TSPAN14: variants seen among roughly 807,000 people sequenced by gnomAD.
The protein encoded by TSPAN14 is tetraspanin-14.
In TSPAN14, 16 loss-of-function variants were observed where a neutral mutation model predicts 36.6. The observed-to-expected ratio is 0.44, with a 90% CI of 0.30 to 0.66. TSPAN14 has a LOEUF of 0.66. TSPAN14 is among the 30% of genes least tolerant of loss of function. The pLI, the probability that TSPAN14 is intolerant of heterozygous loss-of-function variation, is 0.12. For missense variants in TSPAN14, 231 were observed against 355.1 expected (o/e 0.65, Z 2.81); for synonymous variants, 139 against 143.8 (o/e 0.97, Z 0.24).
At chr10:80,460,181 C>T (rs547912957) in intron 1 of TSPAN14, among the ~76,000 whole-genome samples, 8 of 152,244 alleles carry the variant, frequency 5.3e-5, no homozygotes, top group Admixed American at 3.9e-4. Flanking sequence ...AAAGTGGGAA[C>T]TTATAGCCAA....
chr10:80,513,940 G>T, intron 6 of TSPAN14, 79 bp from the exon 7 acceptor site: 1 of 1,217,390 alleles, frequency 8.2e-7, no homozygotes, highest in Non-Finnish European at 1.2e-6. Flanking sequence ...GCTAGTGTTT[G>T]GTTGTGACTT....
At chr10:80,487,801 G>T (rs1386254856) in intron 1 of TSPAN14, among the ~76,000 whole-genome samples, 1 of 152,148 alleles carries the variant, frequency 6.6e-6, no homozygotes, top group East Asian at 1.9e-4. Context: ...CTCCCCAGCT[G>T]GTTTCTGAGG....
intron 1 of TSPAN14, among the ~76,000 whole-genome samples, chr10:80,455,379 T>A (rs781270140): frequency 7.9e-5 from 12 of 152,114 alleles, no homozygotes; most frequent in Non-Finnish European, 8.8e-5. Context: ...CAGGCGGTGC[T>A]GGGCGGCTGT....
chr10:80,497,007 G>A (rs1848231380), intron 2 of TSPAN14, among the ~76,000 whole-genome samples: 1 of 151,796 alleles, frequency 6.6e-6, no homozygotes. Flanking sequence ...CTTTTGATTG[G>A]ATATTAGTTA....
At chr10:80,503,723 T>C (rs772701105) in intron 2 of TSPAN14, among the ~76,000 whole-genome samples, 24 of 152,132 alleles carry the variant, frequency 1.6e-4, no homozygotes, top group Middle Eastern at 3.2e-3. Context: ...GCCCTTTCTT[T>C]CCATTCTAGC....
intron 5 of TSPAN14, among the ~76,000 whole-genome samples, chr10:80,511,421 G>T (rs561591003): frequency 6.3e-4 from 96 of 152,290 alleles, no homozygotes; most frequent in Admixed American, 1.8e-3. Flanking sequence ...GTGTTCTCTT[G>T]TGGCAAGTAG....
chr10:80,502,860 G>A (rs904243541), intron 2 of TSPAN14, among the ~76,000 whole-genome samples: 3 of 152,088 alleles, frequency 2.0e-5, no homozygotes, highest in Non-Finnish European at 1.5e-5. Flanking sequence ...AGGGCTCAGG[G>A]CAGGGTGAAG....
intron 4 of TSPAN14, among the ~76,000 whole-genome samples, chr10:80,508,430 T>C (rs148308114): frequency 3.3e-4 from 51 of 152,304 alleles, no homozygotes; most frequent in Admixed American, 2.0e-3. Context: ...GTGTATGCTT[T>C]TTCTTACTTT....
chr10:80,473,783 G>A (rs1228005641), intron 1 of TSPAN14, among the ~76,000 whole-genome samples: 1 of 150,518 alleles, frequency 6.6e-6, no homozygotes, highest in African/African-American at 2.4e-5. Flanking sequence ...TGTTTCTGGT[G>A]GCCCCTGGAT....
intron 1 of TSPAN14, among the ~76,000 whole-genome samples, chr10:80,482,400 C>G (rs148076305): frequency 6.6e-6 from 1 of 151,540 alleles, no homozygotes; most frequent in African/African-American, 2.4e-5. Context: ...AATTCTCCTG[C>G]CTCAACCTCC....
intron 1 of TSPAN14, among the ~76,000 whole-genome samples, chr10:80,486,425 C>G (rs1190649610): frequency 6.6e-6 from 1 of 152,206 alleles, no homozygotes; most frequent in East Asian, 1.9e-4. Flanking sequence ...CAGAGGTGAG[C>G]CACCAACACT....
At chr10:80,496,743 C>CT (rs1848217350) in intron 2 of TSPAN14, among the ~76,000 whole-genome samples, 1 of 152,080 alleles carries the variant, frequency 6.6e-6, no homozygotes, top group Non-Finnish European at 1.5e-5. Flanking sequence ...GTCTCATTGG[C>CT]TGTTAAACCC....
rs1461600275 is a variant in TSPAN14, at chr10:80,514,083, C to G, written c.621+20C>G. ...ATTCAGGTGAGAACTCCCATGTATA[C>G]AACTTGAAGAGTTCTTTAGGTTTTA... On this transcript the variant is annotated intron_variant, in intron 7 of 8. Coordinates refer to ENST00000429989, the Ensembl canonical transcript of TSPAN14. 6.2e-7 allele frequency: 1 copy of G among 1,604,856 alleles called. No individual in the cohort carries two copies. Among genetic ancestry groups the G allele is most frequent in the Non-Finnish European group, 8.5e-7 (1 of 1,172,098 alleles).
At chr10:80,503,641 A>G (rs2132039895) in intron 2 of TSPAN14, among the ~76,000 whole-genome samples, 1 of 152,186 alleles carries the variant, frequency 6.6e-6, no homozygotes, top group East Asian at 1.9e-4. Flanking sequence ...TCTGAAAGTG[A>G]TCTGTGATCC....
intron 1 of TSPAN14, among the ~76,000 whole-genome samples, chr10:80,461,223 C>G (rs1589231823): frequency 6.6e-6 from 1 of 152,218 alleles, no homozygotes; most frequent in African/African-American, 2.4e-5. Flanking sequence ...TGGCCTGCCT[C>G]CTTTTCTTGA....
rs1840528454 is a variant in TSPAN14 at position 80,509,953 on chromosome 10, G to A, written c.450+482G>A. The A allele has an allele frequency of 6.2e-6, 1 of 162,214 alleles. No individual in the cohort carries two copies. The highest frequency in any genetic ancestry group is 1.4e-5 in the Non-Finnish European group (1 of 73,434). The allele number at this position is 162,214 out of a possible 1,614,324, so 10.0% of individuals were successfully genotyped here. On this transcript the variant is annotated intron_variant, in intron 5 of 8. Transcript: ENST00000429989. The surrounding 1 kb of genome is among the most constrained non-coding windows in gnomAD (Gnocchi z 4.7). ...GTTTAAGAAGCCAGGGCTGCCTGGA[G>A]GAAGCTTTGTCAGATCTAGTGGAAT...
intron 3 of TSPAN14, among the ~76,000 whole-genome samples, chr10:80,506,231 C>T (rs1279890508): frequency 6.6e-6 from 1 of 152,200 alleles, no homozygotes; most frequent in Non-Finnish European, 1.5e-5. Flanking sequence ...CCTCGGCCTC[C>T]CAAAGTGCTG....
chr10:80,469,631 T>C (rs1190056186), intron 1 of TSPAN14, among the ~76,000 whole-genome samples: 1 of 152,204 alleles, frequency 6.6e-6, no homozygotes, highest in Admixed American at 6.5e-5. Flanking sequence ...CAGCAGTTTC[T>C]CACCATTGAT....
chr10:80,476,308 T>C (rs1412359491), intron 1 of TSPAN14, among the ~76,000 whole-genome samples: 2 of 152,004 alleles, frequency 1.3e-5, no homozygotes, highest in African/African-American at 2.4e-5. Context: ...AGGTCAAGGC[T>C]GCAGTGAGCC....
Sources: gnomAD v4.1 joint callset for allele counts (sites outside exome capture counted in the v4.1 genomes callset) on GRCh38, gnomAD v4.1.1 for gene constraint, Gnocchi (gnomAD v3.1) non-coding constraint, MANE v1.5 for transcripts, NCBI Gene and HGNC (gene_info 2026-07-23, HGNC 2026-07-21) for gene names.